Variants in NRG3 observed in about 807,000 individuals in gnomAD.
NRG3 encodes the protein neuregulin 3.
Under a neutral mutation model 66.9 loss-of-function variants are expected in NRG3, and 31 were observed. The ratio of observed to expected loss-of-function variants is 0.46; its 90% confidence interval spans 0.35 to 0.63. The LOEUF is 0.63. Among genes scored for constraint, NRG3 ranks in the 20% least tolerant of loss-of-function variants. NRG3 has a pLI of 0.00. For missense variants in NRG3, 910 were observed against 878.9 expected, an observed-to-expected ratio of 1.04 and a Z score of -0.45; for synonymous variants, 393 against 359.4, an observed-to-expected ratio of 1.09 and a Z score of -1.06.
chr10:82,030,052 A>G (rs2062491846), intron 1 of NRG3, among the ~76,000 whole-genome samples: 1 of 152,064 alleles, frequency 6.6e-6, no homozygotes, highest in African/African-American at 2.4e-5. Context: ...CTCTGACAGG[A>G]TTTACAGTTA....
rs944995425 is a variant in NRG3 at position 82,336,388 on chromosome 10, A to T, written c.824-22351A>T. 8.5e-5 allele frequency among the ~76,000 whole-genome samples: 13 copies of T among 152,204 alleles called. No homozygotes were observed. In the East Asian group the frequency reaches 2.3e-3, roughly 27 times the overall value. ...AGGAGGGGAGCTCATGGCTTCCACC[A>T]TCAGAGAGGCAAAGTTAGATAGTAG... On this transcript the variant is annotated intron_variant, in intron 1 of 8. Transcript: ENST00000372141.
chr10:82,905,540 G>A (rs1320061665), intron 4 of NRG3, among the ~76,000 whole-genome samples: 1 of 152,062 alleles, frequency 6.6e-6, no homozygotes, highest in East Asian at 1.9e-4. Context: ...TTTGTTACAT[G>A]TTTTTACTGA....
chr10:81,943,364 C>G (rs1848561811), intron 1 of NRG3, among the ~76,000 whole-genome samples: 1 of 152,110 alleles, frequency 6.6e-6, no homozygotes, highest in East Asian at 1.9e-4. Context: ...CTGGGCTACT[C>G]TTAAAAAATA....
chr10:82,057,648 AT>A (rs1452987307), intron 1 of NRG3, among the ~76,000 whole-genome samples: 1 of 151,930 alleles, frequency 6.6e-6, no homozygotes, highest in African/African-American at 2.4e-5. Flanking sequence ...GGACAAGGGT[AT>A]GATAAATTTT....
intron 2 of NRG3, among the ~76,000 whole-genome samples, chr10:82,709,566 A>G (rs2056532073): frequency 6.6e-6 from 1 of 151,996 alleles, no homozygotes; most frequent in South Asian, 2.1e-4. Context: ...ATGTTAGTAG[A>G]GACGGGGTTT....
At chr10:82,275,689 A>T (rs1398442213) in intron 1 of NRG3, among the ~76,000 whole-genome samples, 1 of 151,998 alleles carries the variant, frequency 6.6e-6, no homozygotes, top group African/African-American at 2.4e-5. Flanking sequence ...TTGTCAGTAT[A>T]TTTATTTACA....
At chr10:82,050,684 G>C (rs185355997) in intron 1 of NRG3, among the ~76,000 whole-genome samples, 1 of 149,602 alleles carries the variant, frequency 6.7e-6, no homozygotes, top group East Asian at 2.0e-4. Context: ...GGTGGAAAGT[G>C]GTGACAGACA....
chr10:82,377,415 G>A (rs1215581702), intron 2 of NRG3, among the ~76,000 whole-genome samples: 2 of 147,914 alleles, frequency 1.4e-5, no homozygotes, highest in Non-Finnish European at 2.9e-5. Flanking sequence ...GAGAGAGAGA[G>A]GTGTATGTGT....
At chr10:82,044,744 G>C (rs1272710824) in intron 1 of NRG3, among the ~76,000 whole-genome samples, 1 of 151,692 alleles carries the variant, frequency 6.6e-6, no homozygotes, top group Admixed American at 6.6e-5. Flanking sequence ...ACCCCACAGA[G>C]TGTGATGTTC....
intron 2 of NRG3, among the ~76,000 whole-genome samples, chr10:82,581,710 G>A (rs2046365684): frequency 1.3e-5 from 2 of 151,918 alleles, no homozygotes; most frequent in Admixed American, 6.6e-5. Flanking sequence ...ATTTTAAAGT[G>A]TACACTTAAA....
At chr10:82,783,955 C>G (rs1349669940) in intron 3 of NRG3, among the ~76,000 whole-genome samples, 1 of 151,892 alleles carries the variant, frequency 6.6e-6, no homozygotes, top group African/African-American at 2.4e-5. Context: ...TGACTTCAAA[C>G]TATACTACAA....
intron 1 of NRG3, among the ~76,000 whole-genome samples, chr10:82,290,074 A>T (rs2079637910): frequency 6.6e-6 from 1 of 151,564 alleles, no homozygotes; most frequent in African/African-American, 2.4e-5. Flanking sequence ...CTAACTACAA[A>T]CTCCCCCTTC....
chr10:82,977,899 G>A (rs531887418), intron 7 of NRG3, among the ~76,000 whole-genome samples: 2 of 152,260 alleles, frequency 1.3e-5, no homozygotes, highest in African/African-American at 4.8e-5. Context: ...TGGGTAAAAT[G>A]TCTTTGAGAG....
At chr10:82,294,592 A>G (rs886644321) in intron 1 of NRG3, among the ~76,000 whole-genome samples, 1 of 152,124 alleles carries the variant, frequency 6.6e-6, no homozygotes, top group Non-Finnish European at 1.5e-5. Context: ...TGTTACATAT[A>G]AAGACAATGC....
At chr10:82,886,313 G>GCACT (rs1323534784) in intron 4 of NRG3, among the ~76,000 whole-genome samples, 6 of 152,152 alleles carry the variant, frequency 3.9e-5, no homozygotes, top group Admixed American at 3.3e-4. Flanking sequence ...TTTTACAAAG[G>GCACT]CACTTCCTTT....
At chr10:82,118,043 T>C (rs1025228484) in intron 1 of NRG3, among the ~76,000 whole-genome samples, 6 of 152,010 alleles carry the variant, frequency 3.9e-5, no homozygotes, top group African/African-American at 1.2e-4. Flanking sequence ...GCCTGAAGCA[T>C]GCTCGCTATT....
At chr10:82,125,031 A>G (rs2068344273) in intron 1 of NRG3, among the ~76,000 whole-genome samples, 1 of 151,988 alleles carries the variant, frequency 6.6e-6, no homozygotes, top group Non-Finnish European at 1.5e-5. Context: ...AATATTCATT[A>G]CCCTTTTACT....
intron 1 of NRG3, among the ~76,000 whole-genome samples, chr10:82,351,793 GAC>G (rs1325570757): frequency 3.3e-5 from 5 of 152,206 alleles, no homozygotes; most frequent in Admixed American, 6.5e-5. Flanking sequence ...ACAAGGCAGA[GAC>G]AAGGCCACTC....
intron 2 of NRG3, among the ~76,000 whole-genome samples, chr10:82,485,407 A>T (rs931571416): frequency 6.6e-6 from 1 of 151,130 alleles, no homozygotes; most frequent in Admixed American, 6.6e-5. Context: ...AGCACCAAGT[A>T]CCAAGAAAGC....
Sources: allele counts gnomAD v4.1 joint callset (sites outside exome capture counted in the v4.1 genomes callset), GRCh38; gene constraint gnomAD v4.1.1; transcripts MANE v1.5; gene names NCBI Gene and HGNC (gene_info 2026-07-23, HGNC 2026-07-21).